PMS1: variants seen among roughly 807,000 people sequenced by gnomAD.
PMS1 encodes the protein PMS1 homolog 1, mismatch repair system component.
In PMS1, 79 loss-of-function variants were observed where a neutral mutation model predicts 93.1. The ratio of observed to expected loss-of-function variants is 0.85; its 90% confidence interval spans 0.71 to 1.02. PMS1 has a LOEUF of 1.02. PMS1 is among the 50% of genes least tolerant of loss of function. The pLI is 0.00. For missense variants in PMS1, 1,064 were observed against 1,085.3 expected, an observed-to-expected ratio of 0.98 and a Z score of 0.28; for synonymous variants, 335 against 363.4, an observed-to-expected ratio of 0.92 and a Z score of 0.89.
At chr2:189,818,636 T>A (rs983760706) in intron 5 of PMS1, among the ~76,000 whole-genome samples, 4 of 152,212 alleles carry the variant, frequency 2.6e-5, no homozygotes, top group Non-Finnish European at 4.4e-5. Flanking sequence ...TTAGTCCACA[T>A]TTATCTAGTT....
chr2:189,792,654 CTA>C (rs1201055314), intron 2 of PMS1, among the ~76,000 whole-genome samples: 2 of 137,418 alleles, frequency 1.5e-5, no homozygotes, highest in Admixed American at 1.5e-4. Flanking sequence ...AGATAAGATT[CTA>C]TGAGATAAAC....
At chr2:189,842,852 G>A (rs1347237760) in intron 5 of PMS1, among the ~76,000 whole-genome samples, 1 of 151,966 alleles carries the variant, frequency 6.6e-6, no homozygotes. Context: ...TGTGGCAATA[G>A]CAAGCAGTTT....
At chr2:189,809,923 T>A (rs933627351) in intron 4 of PMS1, among the ~76,000 whole-genome samples, 1 of 152,240 alleles carries the variant, frequency 6.6e-6, no homozygotes, top group African/African-American at 2.4e-5. Flanking sequence ...TATAATGTGG[T>A]CTTAGATACA....
intron 5 of PMS1, among the ~76,000 whole-genome samples, chr2:189,828,159 C>T (rs749768108): frequency 6.6e-6 from 1 of 152,102 alleles, no homozygotes; most frequent in African/African-American, 2.4e-5. Flanking sequence ...CTCCTGACCT[C>T]GTGATCTGCC....
intron 5 of PMS1, among the ~76,000 whole-genome samples, chr2:189,827,011 T>C (rs952367153): frequency 6.6e-6 from 1 of 152,200 alleles, no homozygotes; most frequent in African/African-American, 2.4e-5. Flanking sequence ...TATTCACATA[T>C]ACAATTCTAG....
chr2:189,854,214 A>G, intron 8 of PMS1, 25 bp from the exon 9 acceptor site: 1 of 1,543,136 alleles, frequency 6.5e-7, no homozygotes, highest in Non-Finnish European at 8.8e-7. Flanking sequence ...AATTTCCCCT[A>G]ACATTTGTTA....
chr2:189,802,659 A>G (rs2049994351), intron 3 of PMS1, among the ~76,000 whole-genome samples: 2 of 152,198 alleles, frequency 1.3e-5, no homozygotes, highest in South Asian at 4.1e-4. Flanking sequence ...AAGCTGAGTC[A>G]TTTTGTTTTG....
chr2:189,802,482 G>C (rs939341071), intron 3 of PMS1, among the ~76,000 whole-genome samples: 1 of 152,192 alleles, frequency 6.6e-6, no homozygotes, highest in Non-Finnish European at 1.5e-5. Flanking sequence ...TGGTCTTGCT[G>C]TCTCTGGTGG....
chr2:189,824,135 T>C (rs945291946), intron 5 of PMS1, among the ~76,000 whole-genome samples: 4 of 152,198 alleles, frequency 2.6e-5, no homozygotes, highest in African/African-American at 9.6e-5. Flanking sequence ...AGGTACTTTT[T>C]AAACAGTGAA....
rs534056938 is a variant in PMS1 at position 189,795,574 on chromosome 2, A to C, written c.133-195A>C. Among the ~76,000 whole-genome samples the C allele has an allele frequency of 2.0e-5, 3 of 152,356 alleles. No homozygotes were observed. The South Asian group carries it at 6.2e-4, about 32-fold the overall frequency. On this transcript the variant is annotated intron_variant, in intron 2 of 12. Coordinates refer to ENST00000441310, the MANE Select transcript of PMS1 (RefSeq NM_000534.5). ...TTATTCAACAGTTGAATCTGTGTCC[A>C]GAGAAAACAAGGGAGTTGCCTGTTG...
intron 6 of PMS1, among the ~76,000 whole-genome samples, chr2:189,852,108 A>G (rs1187310309): frequency 2.0e-5 from 3 of 152,210 alleles, no homozygotes; most frequent in Non-Finnish European, 2.9e-5. Context: ...AAATGAAGCT[A>G]AAGTACAACA....
At chr2:189,790,220 G>T (rs1017889855) in intron 1 of PMS1, among the ~76,000 whole-genome samples, 4 of 152,180 alleles carry the variant, frequency 2.6e-5, no homozygotes, top group African/African-American at 9.6e-5. Flanking sequence ...GATTGAAAAA[G>T]ACATTATAAT....
intron 3 of PMS1, among the ~76,000 whole-genome samples, chr2:189,796,975 T>G (rs988797131): frequency 1.3e-5 from 2 of 152,244 alleles, no homozygotes; most frequent in African/African-American, 2.4e-5. Flanking sequence ...TTAAAAATTG[T>G]ATTAAGAAAA....
At chr2:189,870,965 C>T (rs560624197) in intron 11 of PMS1, among the ~76,000 whole-genome samples, 1 of 152,214 alleles carries the variant, frequency 6.6e-6, no homozygotes, top group African/African-American at 2.4e-5. Flanking sequence ...GAAATGACCA[C>T]AAGCCTTCCT....
chr2:189,822,450 T>C (rs867788617), intron 5 of PMS1, among the ~76,000 whole-genome samples: 1 of 118,110 alleles, frequency 8.5e-6, no homozygotes, highest in Non-Finnish European at 2.0e-5. Flanking sequence ...AAATAGAGGG[T>C]TTTTTTTTAA....
intron 5 of PMS1, among the ~76,000 whole-genome samples, chr2:189,838,841 A>G (rs765334437): frequency 3.3e-5 from 5 of 152,234 alleles, no homozygotes; most frequent in Non-Finnish European, 7.3e-5. Flanking sequence ...CAAGAGGAAG[A>G]GAAAGCTGTA....
Position 189,805,102 on chromosome 2 carries a change from TTTAA to T in PMS1, c.316-544_316-541del, listed in dbSNP as rs376552199. ...CTTATGCTTACATGTTTTAAATTTT[TTTAA>T]TTAATAAAAAATTTAGCCTTAATGA... On this transcript the variant is annotated intron_variant, in intron 3 of 12. Coordinates refer to ENST00000441310, the MANE Select transcript of PMS1 (RefSeq NM_000534.5). 5.3e-5 allele frequency among the ~76,000 whole-genome samples: 8 copies of T among 152,194 alleles called. No homozygotes were observed. The East Asian group carries it at 7.7e-4, about 15-fold the overall frequency.
intron 5 of PMS1, among the ~76,000 whole-genome samples, chr2:189,819,784 G>A (rs1400194120): frequency 6.6e-6 from 1 of 152,106 alleles, no homozygotes; most frequent in Non-Finnish European, 1.5e-5. Flanking sequence ...TGGATGCAGA[G>A]TTTGCAAATA....
intron 4 of PMS1, among the ~76,000 whole-genome samples, chr2:189,811,359 G>A (rs1420590546): frequency 6.6e-6 from 1 of 151,210 alleles, no homozygotes; most frequent in Non-Finnish European, 1.5e-5. Flanking sequence ...AGGCCAAGGT[G>A]GGCAGATCAC....
Sources: allele counts gnomAD v4.1 joint callset (sites outside exome capture counted in the v4.1 genomes callset), GRCh38; gene constraint gnomAD v4.1.1; transcripts MANE v1.5; gene names NCBI Gene and HGNC (gene_info 2026-07-23, HGNC 2026-07-21).